MDN1: variants seen among roughly 807,000 people sequenced by gnomAD.
MDN1 encodes the protein midasin AAA ATPase 1, also known as midasin.
A neutral mutation model predicts 669.2 loss-of-function variants in MDN1; 266 were observed. That is an observed-to-expected ratio of 0.40 (90% CI 0.36 to 0.44). The LOEUF is 0.44. Ranked by LOEUF, MDN1 falls within the 20% of genes least tolerant of loss-of-function variation. The pLI, the probability that MDN1 is intolerant of heterozygous loss-of-function variation, is 1.00. For missense variants in MDN1, 5,940 were observed against 6,754.0 expected (o/e 0.88, Z 4.22); for synonymous variants, 2,385 against 2,457.1 (o/e 0.97, Z 0.87).
intron 90 of MDN1, 79 bp from the exon 91 acceptor site, chr6:89,656,880 A>C: frequency 8.9e-7 from 1 of 1,127,460 alleles, no homozygotes; most frequent in Non-Finnish European, 1.3e-6. Flanking sequence ...ATTGAATACA[A>C]CTTCTCTCAC....
At position 89,745,720 on chromosome 6, in the gene MDN1, C is replaced by G. The variant is rs1003072768; in HGVS notation, c.3905-94G>C. On this transcript the variant is annotated intron_variant, in intron 27 of 101. Coordinates refer to ENST00000369393, the MANE Select transcript of MDN1 (RefSeq NM_014611.3). The stretch of plus-strand genomic sequence containing the variant: ...GAGAATATGAAACAATAGAAACTCT[C>G]ATACGCGGCTGGTGAGGTAGAAATC... The G allele has an allele frequency of 3.2e-6, 4 of 1,235,384 alleles. No individual in the cohort carries two copies. In the African/African-American group the frequency reaches 6.1e-5, roughly 19 times the overall value. 76.5% of individuals were successfully genotyped at this position (1,235,384 alleles called of 1,614,324 possible). A position where few individuals can be genotyped will look rare whatever the true frequency, so the allele number is the denominator to read the frequency against.
chr6:89,661,985 G>A (rs9294443), intron 87 of MDN1, 102 bp downstream of exon 87: 1,149,806 of 1,365,524 alleles, frequency 0.84, 485,411 homozygotes, highest in East Asian at 1. Context: ...GAGAGCAGTC[G>A]ACGAACAGGG....
In MDN1 at chr6:89,652,210, T is replaced by C. The variant is rs920342398; in HGVS notation, c.15897A>G (p.Glu5299=). 6.2e-7 allele frequency: 1 copy of C among 1,613,990 alleles called. No individual in the cohort carries two copies. The highest frequency in any genetic ancestry group is 8.5e-7 in the Non-Finnish European group (1 of 1,179,978). ...GACTTACCTCCTCTGGGTTTCCAGA[T>C]TCACGTGGCTGCCACATTTCCAGCT... ...ERQLEMWQPR[E]SGNPEEEKVA... is the part of the protein sequence containing the mutation. Residue 5299 remains glutamate (E), a synonymous_variant, in exon 95 of 102, where the codon GAA becomes GAG. Transcript: ENST00000369393.
chr6:89,736,883 G>A (rs1322529971), intron 33 of MDN1, among the ~76,000 whole-genome samples: 2 of 152,320 alleles, frequency 1.3e-5, no homozygotes, highest in Non-Finnish European at 2.9e-5. Flanking sequence ...CAAGAGTCAT[G>A]GGTTCTGAGT....
At chr6:89,659,483 T>A (rs1361707300) in intron 88 of MDN1, among the ~76,000 whole-genome samples, 1 of 152,250 alleles carries the variant, frequency 6.6e-6, no homozygotes, top group Non-Finnish European at 1.5e-5. Flanking sequence ...GAACTGAGTG[T>A]TTGCAATCGA....
chr6:89,648,403 A>C, intron 97 of MDN1, 74 bp from the exon 98 acceptor site: 3 of 1,405,244 alleles, frequency 2.1e-6, no homozygotes, highest in Non-Finnish European at 3.0e-6. Context: ...TATTTTTTGC[A>C]TCAAGATTCC....
chr6:89,758,594 T>C (rs1012966106), intron 18 of MDN1, among the ~76,000 whole-genome samples: 1 of 152,256 alleles, frequency 6.6e-6, no homozygotes, highest in African/African-American at 2.4e-5. Flanking sequence ...AGTGTGTCTA[T>C]TATCCACAAC....
In MDN1 at chr6:89,677,610, C is replaced by T. The variant is rs35509794; in HGVS notation, c.12499G>A (p.Ala4167Thr). 2.9e-3 allele frequency: 4,677 copies of T among 1,614,080 alleles called. 88 individuals carry two copies. In the African/African-American group the frequency reaches 0.046, roughly 16 times the overall value. The change falls in exon 76 of 102, where the codon GCA becomes ACA. Residue 4167 changes from alanine (A) to threonine (T), a missense_variant. Physicochemically the swap from Ala to Thr is moderately conservative, Grantham distance 58. Transcript: ENST00000369393. ...TGAGTGCTGCTGACGATGGACAATG[C>T]GCTCTGGAGATCTAATGGGTGAAGA... ...LHLHPLDLQS[A>T]LSIVSSTQEA...
intron 37 of MDN1, among the ~76,000 whole-genome samples, chr6:89,727,256 A>T (rs1293702653): frequency 6.6e-6 from 1 of 152,156 alleles, no homozygotes; most frequent in Non-Finnish European, 1.5e-5. Flanking sequence ...TGTGACACGT[A>T]CATCACTCTA....
chr6:89,717,522 T>TA (rs1220282207), intron 43 of MDN1, among the ~76,000 whole-genome samples: 1 of 152,246 alleles, frequency 6.6e-6, no homozygotes, highest in Non-Finnish European at 1.5e-5. Context: ...AAAGTACATA[T>TA]ATTCAGTATA....
chr6:89,648,432 G>C, intron 97 of MDN1, 103 bp from the exon 98 acceptor site: 1 of 1,095,668 alleles, frequency 9.1e-7, no homozygotes, highest in Non-Finnish European at 1.4e-6. Flanking sequence ...ACATTTTTTT[G>C]TTTGGCAAGT....
chr6:89,650,057 G>A lies in MDN1; in HGVS notation c.16173C>T (p.Asp5391=). 2 of 1,614,086 alleles carry A rather than the reference G, an allele frequency of 1.2e-6. No individual in the cohort carries two copies. The highest frequency in any genetic ancestry group is 1.7e-6 in the Non-Finnish European group (2 of 1,180,014). Residue 5391 remains aspartate (D), a synonymous_variant, in exon 97 of 102, where the codon GAC becomes GAT. Coordinates refer to ENST00000369393, the MANE Select transcript of MDN1 (RefSeq NM_014611.3). ...RQYQICLAID[D]SSSMVDNHTK... Reference sequence around the variant, plus strand: ...TATGATTGTCTACCATACTAGAAGAGTCATCGATAGCCAAACAAATCTGAT... The same window carrying A: ...TATGATTGTCTACCATACTAGAAGAATCATCGATAGCCAAACAAATCTGAT...
intron 22 of MDN1, 66 bp from the exon 23 acceptor site, chr6:89,751,648 T>G: frequency 6.6e-7 from 1 of 1,522,928 alleles, no homozygotes; most frequent in Non-Finnish European, 8.9e-7. Flanking sequence ...GGGCATAAAG[T>G]AGGAAAACAG....
Position 89,793,848 on chromosome 6 carries a change from G to GT in MDN1, c.768dup (p.His257ThrfsTer6). 6.2e-7 allele frequency: 1 copy of GT among 1,614,116 alleles called. No individual in the cohort carries two copies. The highest frequency in any genetic ancestry group is 2.2e-5 in the East Asian group (1 of 44,868). ...GGGGAGAGGTCAGACGAAACAAGATGTCCCTGTAAGTACTGCAGCTCCTTC... is the reference window on the plus strand; with the variant it reads ...GGGGAGAGGTCAGACGAAACAAGATGTTCCCTGTAAGTACTGCAGCTCCTTC... On this transcript the variant is annotated frameshift_variant, in exon 5 of 102. Transcript: ENST00000369393. LOFTEE classifies it high-confidence loss of function.
chr6:89,652,374 A>G, intron 94 of MDN1, 93 bp from the exon 95 acceptor site: 2 of 881,706 alleles, frequency 2.3e-6, no homozygotes, highest in African/African-American at 1.7e-5. Flanking sequence ...TATGAACTCA[A>G]AGTACATAGT....
intron 1 of MDN1, among the ~76,000 whole-genome samples, chr6:89,813,925 A>T (rs1054580019): frequency 2.0e-4 from 16 of 78,960 alleles, no homozygotes; most frequent in African/African-American, 5.0e-4. Flanking sequence ...CCTAAGATTT[A>T]AAAAAAAAAA....
chr6:89,671,288 A>G (rs1810737069), intron 82 of MDN1, among the ~76,000 whole-genome samples: 2 of 152,186 alleles, frequency 1.3e-5, no homozygotes. Context: ...TATCGTCACA[A>G]AAGTACAATC....
chr6:89,801,585 G>T (rs1375527455), intron 2 of MDN1, among the ~76,000 whole-genome samples: 1 of 152,046 alleles, frequency 6.6e-6, no homozygotes, highest in African/African-American at 2.4e-5. Flanking sequence ...GGGAGGCAGA[G>T]GTTACAGTGA....
intron 84 of MDN1, 94 bp downstream of exon 84, chr6:89,667,920 A>G (rs1584130818): frequency 6.8e-7 from 1 of 1,467,658 alleles, no homozygotes; most frequent in Admixed American, 1.9e-5. Context: ...ATTAAAAATT[A>G]TTAACCTAGT....
Sources: gnomAD v4.1 joint callset for allele counts (sites outside exome capture counted in the v4.1 genomes callset) on GRCh38, gnomAD v4.1.1 for gene constraint, MANE v1.5 for transcripts, NCBI Gene and HGNC (gene_info 2026-07-23, HGNC 2026-07-21) for gene names.